The following TEP1 variants were observed in gnomAD, a reference collection of about 807,000 sequenced individuals.
TEP1 encodes the protein telomerase protein component 1.
A neutral mutation model predicts 306.3 loss-of-function variants in TEP1; 241 were observed. That is an observed-to-expected ratio of 0.79 (90% confidence interval 0.71 to 0.88). The LOEUF (loss-of-function observed/expected upper bound fraction) is 0.88. TEP1 is among the 40% of genes least tolerant of loss of function. The pLI is 0.00. For missense variants in TEP1, 3,051 were observed against 3,276.1 expected (o/e 0.93, Z 1.68); for synonymous variants, 1,289 against 1,305.5 (o/e 0.99, Z 0.27).
chr14:20,395,599 C>T lies in TEP1; in HGVS notation c.1779G>A (p.Leu593=). Reference sequence around the variant, plus strand: ...CATTTCTAGTTAGTATCCGCCTCATCAGTGTTATATTCGAAGGAAAGGGCA... The same window carrying T: ...CATTTCTAGTTAGTATCCGCCTCATTAGTGTTATATTCGAAGGAAAGGGCA... The part of the protein sequence containing the change: ...QALPFPSNIT[L]MRRILTRNEK... Residue 593 remains leucine (L), a synonymous_variant, in exon 12 of 55, where the codon CTG becomes CTA. Coordinates refer to ENST00000262715, the MANE Select transcript of TEP1 (RefSeq NM_007110.5). 6.2e-7 allele frequency: 1 copy of T among 1,607,606 alleles called. No homozygotes were observed. The highest frequency in any genetic ancestry group is 8.5e-7 in the Non-Finnish European group (1 of 1,174,522).
At position 20,381,201 on chromosome 14, in the gene TEP1, T is replaced by C; in HGVS notation, c.4647+112A>G. On this transcript the variant is annotated intron_variant, in intron 32 of 54. Coordinates refer to ENST00000262715, the MANE Select transcript of TEP1 (RefSeq NM_007110.5). The surrounding 1 kb of genome is among the most constrained non-coding windows in gnomAD (Gnocchi z 4.0). ...ACTGAAAGGAAAGAGGTCAAGGGAG[T>C]TTGGGAGGGGTAATGGCGGCGGTGA... 7.9e-7 allele frequency: 1 copy of C among 1,265,032 alleles called. No homozygotes were observed. The highest frequency in any genetic ancestry group is 1.2e-5 in the South Asian group (1 of 83,336). 78.4% of individuals were successfully genotyped at this position (1,265,032 alleles called of 1,614,324 possible). A position where few individuals can be genotyped will look rare whatever the true frequency, so the allele number is the denominator to read the frequency against.
chr14:20,405,101 A>G (rs554179168), intron 4 of TEP1, among the ~76,000 whole-genome samples: 11 of 152,326 alleles, frequency 7.2e-5, no homozygotes, highest in Non-Finnish European at 2.9e-5. Flanking sequence ...GCCATTTTCC[A>G]AAGCATCATA....
intron 1 of TEP1, 51 bp downstream of exon 1, chr14:20,413,342 GGCAAGTTCTGCC>G (rs1378209932): frequency 6.6e-6 from 1 of 152,360 alleles, no homozygotes; most frequent in African/African-American, 2.4e-5. Flanking sequence ...CCAGGGCCAG[GGCAAGTTCTGCC>G]TGCGCTCGGA....
At position 20,396,803 on chromosome 14, in the gene TEP1, C is replaced by G. The variant is rs552093089; in HGVS notation, c.1550-73G>C. On this transcript the variant is annotated intron_variant, in intron 9 of 54. Coordinates refer to ENST00000262715, the MANE Select transcript of TEP1 (RefSeq NM_007110.5). Reference sequence around the variant, plus strand: ...GCACAGTGGCATGCACCTATAATCTCAGCTACCAAGGAGGCTGAGACAGAA... The same window carrying G: ...GCACAGTGGCATGCACCTATAATCTGAGCTACCAAGGAGGCTGAGACAGAA... The G allele has an allele frequency of 2.8e-6, 3 of 1,084,332 alleles. No individual in the cohort carries two copies. The Admixed American group carries it at 6.4e-5, about 23-fold the overall frequency. 67.2% of individuals were successfully genotyped at this position (1,084,332 alleles called of 1,614,324 possible). A position where few individuals can be genotyped will look rare whatever the true frequency, so the allele number is the denominator to read the frequency against.
rs747495659 is a variant in TEP1, at chr14:20,388,051, C to A, written c.2538G>T (p.Glu846Asp). 2 of 1,614,060 alleles carry A rather than the reference C, an allele frequency of 1.2e-6. No individual in the cohort carries two copies. Among genetic ancestry groups the A allele is most frequent in the Non-Finnish European group, 1.7e-6 (2 of 1,179,998 alleles). Residue 846 changes from glutamate (E) to aspartate (D), a missense_variant, in exon 18 of 55, where the codon GAG becomes GAT. Around this residue, in one of 3 missense-constraint regions of TEP1, gnomAD observed 1,507 missense variants for 1,550.5 expected, o/e 0.97. Transcript: ENST00000262715. ...GTTCCAGAAGATGGGAGGCCCCATG[C>A]TCTGCAATGAACCTGACATAAATAA... The part of the protein sequence containing the change: ...CTDAILKFIA[E>D]HGASHLLEHV...
rs542282942 is a variant in TEP1 at position 20,404,728 on chromosome 14, G to C, written c.915C>G (p.Ala305=). The C allele has an allele frequency of 1.1e-4, 178 of 1,613,920 alleles. 1 individual carries two copies. Among genetic ancestry groups the C allele is most frequent in the Admixed American group, 6.5e-4 (39 of 59,988 alleles). Residue 305 remains alanine, a synonymous_variant, in exon 5 of 55, where the codon GCC becomes GCG. Coordinates refer to ENST00000262715, the MANE Select transcript of TEP1 (RefSeq NM_007110.5). ...AAGCAGCAATGGCCAAGATGTTATT[G>C]GCCACATTCCGGACGTTCAGCTGCT... The part of the protein sequence containing the change: ...ARQQLNVRNV[A]NNILAIAAFL...
At chr14:20,371,447 C>T in intron 50 of TEP1, 42 bp downstream of exon 50, 1 of 1,608,010 alleles carries the variant, frequency 6.2e-7, no homozygotes, top group Non-Finnish European at 8.5e-7. Context: ...CTCAGGTTTC[C>T]TTTTTCCCCA....
Position 20,390,706 on chromosome 14 carries a change from A to G in TEP1, c.2309T>C (p.Leu770Pro). ...AGGAACCCTTTGGCCAGCCAGAGAC[A>G]GCAGGTATTTCCCAAAAGTATTCAG... is the stretch of plus-strand genomic sequence containing the variant. ...WSLNTFGKYL[L>P]SLAGQRVPVD... is the part of the protein sequence containing the mutation. Residue 770 changes from leucine (L) to proline (P), a missense_variant, in exon 15 of 55, where the codon CTG (leucine) becomes CCG (proline). Transcript: ENST00000262715. The G allele has an allele frequency of 6.2e-7, 1 of 1,614,250 alleles. No homozygotes were observed. The highest frequency in any genetic ancestry group is 8.5e-7 in the Non-Finnish European group (1 of 1,180,044).
At chr14:20,384,258 T>A (rs777430504) in intron 23 of TEP1, 26 bp from the exon 24 acceptor site, 1 of 1,611,420 alleles carries the variant, frequency 6.2e-7, no homozygotes, top group Non-Finnish European at 8.5e-7. Flanking sequence ...TCAGTGACTA[T>A]CCATGGTGCC....
Position 20,383,887 on chromosome 14 carries a change from T to G in TEP1, c.3566A>C (p.Asp1189Ala). Reference protein sequence around the residue: ...ASLVSALQAPDGAKVASLVFF... With the variant: ...ASLVSALQAPAGAKVASLVFF... ...GACTAATGATGCCACCTTGGCCCCATCAGGAGCCTGCAGGGCTGACACAAG... is the reference window on the plus strand; with the variant it reads ...GACTAATGATGCCACCTTGGCCCCAGCAGGAGCCTGCAGGGCTGACACAAG... The change falls in exon 25 of 55, where the codon GAT (aspartate) becomes GCT (alanine). Residue 1189 changes from aspartate (D) to alanine (A), a missense_variant. Coordinates refer to ENST00000262715, the MANE Select transcript of TEP1 (RefSeq NM_007110.5). 1 of 1,601,378 alleles carries G rather than the reference T, an allele frequency of 6.2e-7. No homozygotes were observed. The highest frequency in any genetic ancestry group is 8.5e-7 in the Non-Finnish European group (1 of 1,179,090).
chr14:20,412,766 C>T (rs971729567), intron 1 of TEP1, among the ~76,000 whole-genome samples: 9 of 138,764 alleles, frequency 6.5e-5, no homozygotes, highest in Non-Finnish European at 1.2e-4. Flanking sequence ...TCAAGCGATT[C>T]TCCTGCCTTA....
intron 35 of TEP1, 145 bp downstream of exon 35, chr14:20,379,785 G>A: frequency 2.9e-6 from 3 of 1,038,734 alleles, no homozygotes; most frequent in Admixed American, 3.2e-5. Flanking sequence ...TTGATTTTTT[G>A]GCCAAGCCCT....
At chr14:20,400,240 G>A (rs989608308) in intron 9 of TEP1, among the ~76,000 whole-genome samples, 1 of 150,474 alleles carries the variant, frequency 6.6e-6, no homozygotes, top group African/African-American at 2.4e-5. Context: ...CATCAGGGAA[G>A]AAGAGGCTGT....
Position 20,404,682 on chromosome 14 carries a change from G to A in TEP1, c.961C>T (p.His321Tyr), listed in dbSNP as rs146306984. 421 of 1,614,182 alleles carry A rather than the reference G, an allele frequency of 2.6e-4. No homozygotes were observed. The highest frequency in any genetic ancestry group is 3.4e-4 in the Non-Finnish European group (397 of 1,180,030). ...ATGGCACAGAAATATCGTCGCAGGT[G>A]GGGGCGACACGCCGGCAAGAAAGCA... ...IAAFLPACRP[H>Y]LRRYFCAIVQ... Residue 321 changes from histidine (H) to tyrosine (Y), a missense_variant, in exon 5 of 55, where the codon CAC becomes TAC. Around this residue, in one of 3 missense-constraint regions of TEP1, gnomAD observed 1,507 missense variants for 1,550.5 expected, o/e 0.97. Transcript: ENST00000262715.
At chr14:20,385,999 C>CA in intron 20 of TEP1, 76 bp downstream of exon 20, 1 of 1,505,192 alleles carries the variant, frequency 6.6e-7, no homozygotes, top group Non-Finnish European at 8.8e-7. Context: ...GGGTTTCTGA[C>CA]AGAGTGTGGC....
intron 43 of TEP1, among the ~76,000 whole-genome samples, chr14:20,374,781 G>T (rs1184929663): frequency 6.6e-6 from 1 of 152,052 alleles, no homozygotes; most frequent in East Asian, 1.9e-4. Context: ...TGGTTGTGGG[G>T]CTGAGTGCGT....
rs1884813593 is a variant in TEP1 at position 20,371,208 on chromosome 14, T to C, written c.7317+10A>G. ...ATGTTTGCTTTAGCACACACTCAAA[T>C]AGGACTTACCAAGAAAGAAAGAACT... On this transcript the variant is annotated intron_variant, in intron 51 of 54. Transcript: ENST00000262715. 1.2e-6 allele frequency: 2 copies of C among 1,610,836 alleles called. No homozygotes were observed. The highest frequency in any genetic ancestry group is 1.7e-6 in the Non-Finnish European group (2 of 1,176,998).
chr14:20,386,207 A>G lies in TEP1; in HGVS notation c.2862-12T>C. ...ACACTTCCAGTTGTCTGTAGGCATG[A>G]TGATAGGGACGTGTGGGAGTCACTG... is the stretch of plus-strand genomic sequence containing the variant. On this transcript the variant is annotated splice_polypyrimidine_tract_variant and intron_variant, in intron 19 of 54. Coordinates refer to ENST00000262715, the MANE Select transcript of TEP1 (RefSeq NM_007110.5). 6.2e-7 allele frequency: 1 copy of G among 1,613,892 alleles called. No homozygotes were observed. The highest frequency in any genetic ancestry group is 1.1e-5 in the South Asian group (1 of 91,020).
Position 20,404,658 on chromosome 14 carries a change from T to G in TEP1, c.985A>C (p.Ile329Leu). 6.2e-7 allele frequency: 1 copy of G among 1,614,104 alleles called. No individual in the cohort carries two copies. Residue 329 changes from isoleucine to leucine, a missense_variant, in exon 5 of 55, where the codon ATT becomes CTT. This residue lies in a region of TEP1 where 1,507 missense variants were observed against 1,550.5 expected (regional missense o/e 0.97). Transcript: ENST00000262715. ...RPHLRRYFCA[I>L]VQLPSDWIQV... ...ATCCAGTCAGAAGGCAGCTGGACAA[T>G]GGCACAGAAATATCGTCGCAGGTGG...
Sources: allele counts gnomAD v4.1 joint callset (sites outside exome capture counted in the v4.1 genomes callset), GRCh38; gene constraint gnomAD v4.1.1; regional missense constraint gnomAD v4.1.1; non-coding constraint Gnocchi (gnomAD v3.1); transcripts MANE v1.5; gene names NCBI Gene and HGNC (gene_info 2026-07-23, HGNC 2026-07-21).